CHCHD6: variants seen among roughly 807,000 people sequenced by gnomAD.
CHCHD6 encodes the protein coiled-coil-helix-coiled-coil-helix domain containing 6.
Under a neutral mutation model 32.3 loss-of-function variants are expected in CHCHD6, and 28 were observed. The observed-to-expected ratio is 0.87, with a 90% confidence interval of 0.64 to 1.19. The LOEUF is 1.19. Ranked by LOEUF, CHCHD6 falls within the 50% of genes most tolerant of loss-of-function variation. The probability of loss-of-function intolerance (pLI) is 0.00; values close to 1 mark genes in which losing one functional copy is unlikely to be tolerated. For synonymous variants in CHCHD6, 122 were observed against 117.5 expected (o/e 1.04, Z -0.25); for missense variants, 333 against 307.0 (o/e 1.08, Z -0.63).
intron 5 of CHCHD6, among the ~76,000 whole-genome samples, chr3:126,872,894 C>G (rs1388202092): frequency 6.6e-6 from 1 of 152,262 alleles, no homozygotes; most frequent in Non-Finnish European, 1.5e-5. Context: ...CAATTCTCCT[C>G]TGTTGTGGCC....
intron 4 of CHCHD6, among the ~76,000 whole-genome samples, chr3:126,802,023 C>G (rs563203916): frequency 6.6e-6 from 1 of 152,216 alleles, no homozygotes; most frequent in African/African-American, 2.4e-5. Flanking sequence ...AGAAGGAAAA[C>G]TAACAAACAG....
At chr3:126,853,869 TA>T (rs199660960) in intron 5 of CHCHD6, among the ~76,000 whole-genome samples, 1 of 152,004 alleles carries the variant, frequency 6.6e-6, no homozygotes, top group Non-Finnish European at 1.5e-5. Flanking sequence ...CAGAAAAGGG[TA>T]AAAAAAATTC....
chr3:126,810,202 A>G (rs550241162), intron 4 of CHCHD6, among the ~76,000 whole-genome samples: 4 of 152,372 alleles, frequency 2.6e-5, no homozygotes, highest in South Asian at 2.1e-4. Context: ...AGTACAGTAC[A>G]TGGCTCAGCT....
intron 4 of CHCHD6, among the ~76,000 whole-genome samples, chr3:126,756,277 C>A (rs1576377475): frequency 6.6e-6 from 1 of 152,148 alleles, no homozygotes; most frequent in Non-Finnish European, 1.5e-5. Flanking sequence ...GTTAAATACA[C>A]CCACTATTGA....
At chr3:126,775,113 GA>G (rs1937612536) in intron 4 of CHCHD6, among the ~76,000 whole-genome samples, 1 of 152,344 alleles carries the variant, frequency 6.6e-6, no homozygotes, top group South Asian at 2.1e-4. Flanking sequence ...AGGAAGAAGT[GA>G]ATCTACTCTT....
At chr3:126,817,062 A>C (rs1416889895) in intron 4 of CHCHD6, among the ~76,000 whole-genome samples, 1 of 152,158 alleles carries the variant, frequency 6.6e-6, no homozygotes, top group East Asian at 1.9e-4. Context: ...TTATGGTTGC[A>C]TAGGAACTTG....
chr3:126,796,761 C>T (rs896122387), intron 4 of CHCHD6, among the ~76,000 whole-genome samples: 6 of 152,090 alleles, frequency 3.9e-5, no homozygotes, highest in Middle Eastern at 3.2e-3. Flanking sequence ...GTGTGGGGAT[C>T]GACTCCACTA....
At chr3:126,860,915 G>T (rs1171100236) in intron 5 of CHCHD6, among the ~76,000 whole-genome samples, 2 of 152,316 alleles carry the variant, frequency 1.3e-5, no homozygotes, top group East Asian at 3.9e-4. Flanking sequence ...GCCCAAGGCA[G>T]TTAAGTGGTT....
intron 4 of CHCHD6, among the ~76,000 whole-genome samples, chr3:126,804,790 A>G (rs1482978784): frequency 6.6e-6 from 1 of 152,212 alleles, no homozygotes; most frequent in Non-Finnish European, 1.5e-5. Flanking sequence ...ACATTGATGC[A>G]AAAATCCTCA....
intron 1 of CHCHD6, among the ~76,000 whole-genome samples, chr3:126,719,926 A>G (rs1935201117): frequency 6.6e-6 from 1 of 151,538 alleles, no homozygotes; most frequent in South Asian, 2.1e-4. Flanking sequence ...TGTTGCCCAG[A>G]CTGGAGTGCA....
At chr3:126,918,195 CAG>C (rs1195643200) in intron 6 of CHCHD6, among the ~76,000 whole-genome samples, 4 of 152,212 alleles carry the variant, frequency 2.6e-5, no homozygotes, top group African/African-American at 9.7e-5. Context: ...CTTGGATTAA[CAG>C]ATATTGTAAA....
intron 1 of CHCHD6, among the ~76,000 whole-genome samples, chr3:126,714,515 C>T (rs976210049): frequency 3.3e-5 from 5 of 152,112 alleles, no homozygotes; most frequent in East Asian, 1.9e-4. Context: ...TGATCTTCTT[C>T]GGATCACGGG....
At chr3:126,771,458 C>T (rs908011996) in intron 4 of CHCHD6, among the ~76,000 whole-genome samples, 1 of 152,146 alleles carries the variant, frequency 6.6e-6, no homozygotes. Context: ...ATCCGCCCAC[C>T]TCGGCCTCCC....
At chr3:126,880,874 C>T (rs754448545) in intron 5 of CHCHD6, among the ~76,000 whole-genome samples, 4 of 152,156 alleles carry the variant, frequency 2.6e-5, no homozygotes, top group Admixed American at 6.6e-5. Flanking sequence ...TTCCTTGCCT[C>T]GGTTTCTGAC....
At chr3:126,764,814 G>T (rs1937299932) in intron 4 of CHCHD6, among the ~76,000 whole-genome samples, 1 of 152,216 alleles carries the variant, frequency 6.6e-6, no homozygotes, top group South Asian at 2.1e-4. Context: ...TGGTGGTTTT[G>T]GGGTGATTTG....
chr3:126,898,206 C>T (rs937433141), intron 5 of CHCHD6, among the ~76,000 whole-genome samples: 2 of 152,378 alleles, frequency 1.3e-5, no homozygotes, highest in South Asian at 2.1e-4. Flanking sequence ...AGGCTGGGAA[C>T]GAGGTCCCCC....
chr3:126,775,412 C>T (rs964349931), intron 4 of CHCHD6, among the ~76,000 whole-genome samples: 1 of 151,934 alleles, frequency 6.6e-6, no homozygotes, highest in Non-Finnish European at 1.5e-5. Context: ...CTTCATGTCC[C>T]GAGAGAGAAT....
chr3:126,711,109 C>T (rs1383448561), intron 1 of CHCHD6, among the ~76,000 whole-genome samples: 2 of 152,156 alleles, frequency 1.3e-5, no homozygotes, highest in Non-Finnish European at 1.5e-5. Flanking sequence ...GTTACAGCCA[C>T]TCCTTTCTCT....
intron 6 of CHCHD6, among the ~76,000 whole-genome samples, chr3:126,918,839 T>G (rs1206608998): frequency 6.6e-6 from 1 of 152,254 alleles, no homozygotes; most frequent in Non-Finnish European, 1.5e-5. Flanking sequence ...TATCTTCTAA[T>G]GTATGCATTT....
Sources: allele counts gnomAD v4.1 joint callset (sites outside exome capture counted in the v4.1 genomes callset), GRCh38; gene constraint gnomAD v4.1.1; transcripts MANE v1.5; gene names NCBI Gene and HGNC (gene_info 2026-07-23, HGNC 2026-07-21).